SPPL3: variants seen among roughly 807,000 people sequenced by gnomAD.
The protein encoded by SPPL3 is signal peptide peptidase like 3.
A neutral mutation model predicts 42.4 loss-of-function variants in SPPL3; 5 were observed. The observed-to-expected ratio is 0.12, with a 90% CI of 0.06 to 0.25. The LOEUF (loss-of-function observed/expected upper bound fraction) is 0.25. Among genes scored for constraint, SPPL3 ranks in the 10% least tolerant of loss-of-function variants. The probability of loss-of-function intolerance (pLI) is 1.00; values close to 1 mark genes in which losing one functional copy is unlikely to be tolerated. For missense variants in SPPL3, 235 were observed against 489.0 expected, an observed-to-expected ratio of 0.48 and a Z score of 4.90; for synonymous variants, 195 against 181.8, an observed-to-expected ratio of 1.07 and a Z score of -0.58.
At chr12:120,802,353 ATGTG>A (rs1447019530) in intron 2 of SPPL3, among the ~76,000 whole-genome samples, 1 of 146,478 alleles carries the variant, frequency 6.8e-6, no homozygotes, top group Non-Finnish European at 1.5e-5. Context: ...GTATGTATGT[ATGTG>A]TGTATATATA....
chr12:120,899,563 G>A (rs1873910059), intron 1 of SPPL3, among the ~76,000 whole-genome samples: 1 of 152,070 alleles, frequency 6.6e-6, no homozygotes, highest in Admixed American at 6.6e-5. Context: ...ATGAGATAAG[G>A]AAGGAATTAT....
chr12:120,901,211 T>G (rs1286450244), intron 1 of SPPL3, among the ~76,000 whole-genome samples: 3 of 152,132 alleles, frequency 2.0e-5, no homozygotes, highest in Non-Finnish European at 4.4e-5. Flanking sequence ...CAGAAACTTG[T>G]GAGAATTAAA....
chr12:120,786,149 ATAGGACAATTCAATT>A (rs1166327801), intron 3 of SPPL3, among the ~76,000 whole-genome samples: 1 of 152,200 alleles, frequency 6.6e-6, no homozygotes, highest in East Asian at 1.9e-4. Flanking sequence ...TCACTTAGGA[ATAGGACAATTCAATT>A]TAGGAAAAGT....
chr12:120,783,006 G>A (rs1267587006), intron 5 of SPPL3, among the ~76,000 whole-genome samples: 1 of 152,172 alleles, frequency 6.6e-6, no homozygotes, highest in Admixed American at 6.5e-5. Context: ...GAAGTTTGAA[G>A]TGATAATATT....
intron 1 of SPPL3, among the ~76,000 whole-genome samples, chr12:120,899,125 C>T (rs1873895269): frequency 6.6e-6 from 1 of 152,170 alleles, no homozygotes; most frequent in African/African-American, 2.4e-5. Flanking sequence ...CTTTTACTTC[C>T]TCAGTGTATG....
At chr12:120,799,728 A>G (rs996538173) in intron 2 of SPPL3, among the ~76,000 whole-genome samples, 1 of 152,170 alleles carries the variant, frequency 6.6e-6, no homozygotes, top group African/African-American at 2.4e-5. Flanking sequence ...CCGCTGCACA[A>G]AACAGAAATG....
chr12:120,894,193 G>A (rs969147696), intron 1 of SPPL3, among the ~76,000 whole-genome samples: 7 of 152,112 alleles, frequency 4.6e-5, no homozygotes, highest in Non-Finnish European at 8.8e-5. Context: ...GCGTGGTGGC[G>A]CATGCCCGTT....
chr12:120,769,657 T>A (rs1165928008), intron 6 of SPPL3: 1 of 152,020 alleles, frequency 6.6e-6, no homozygotes, highest in Non-Finnish European at 1.5e-5. Context: ...TTCAAATGAT[T>A]CTCCTGCCTC....
chr12:120,858,293 T>A (rs1872522404), intron 1 of SPPL3, among the ~76,000 whole-genome samples: 1 of 152,022 alleles, frequency 6.6e-6, no homozygotes, highest in East Asian at 1.9e-4. Context: ...TGAAACCCTA[T>A]CTTTAAAAAT....
In SPPL3 at chr12:120,775,117, TATGTGGA is replaced by T. The variant is rs548664207; in HGVS notation, c.503-6065_503-6059del. The stretch of plus-strand genomic sequence containing the variant: ...ACAGGCTCTCTAGATATCTATGCCC[TATGTGGA>T]GTCAGCGCACCAAGAGTGTAGCATT... On this transcript the variant is annotated intron_variant, in intron 6 of 10. Coordinates refer to ENST00000353487, the MANE Select transcript of SPPL3 (RefSeq NM_139015.5). Among the ~76,000 whole-genome samples the T allele has an allele frequency of 3.4e-3, 514 of 152,234 alleles. 3 individuals are homozygous for T. The highest frequency in any genetic ancestry group is 0.012 in the African/African-American group (497 of 41,544).
intron 1 of SPPL3, among the ~76,000 whole-genome samples, chr12:120,879,468 T>C (rs1448837960): frequency 6.6e-6 from 1 of 152,116 alleles, no homozygotes; most frequent in Non-Finnish European, 1.5e-5. Flanking sequence ...CTGTTCCAGG[T>C]ATTGTTAACA....
At chr12:120,818,091 C>T (rs59475865) in intron 1 of SPPL3, among the ~76,000 whole-genome samples, 8 of 152,298 alleles carry the variant, frequency 5.3e-5, no homozygotes, top group Non-Finnish European at 8.8e-5. Context: ...AAAGCATCAA[C>T]AGAAATGTGT....
intron 1 of SPPL3, among the ~76,000 whole-genome samples, chr12:120,856,504 T>C (rs1279540042): frequency 1.3e-4 from 5 of 38,472 alleles, no homozygotes; most frequent in African/African-American, 3.4e-4. Flanking sequence ...AATTTTCATC[T>C]TTTTTTTTTT....
At chr12:120,785,934 G>T (rs190233386) in intron 3 of SPPL3, among the ~76,000 whole-genome samples, 1 of 137,248 alleles carries the variant, frequency 7.3e-6, no homozygotes, top group East Asian at 2.1e-4. Flanking sequence ...AAAAAAAAAG[G>T]AAAGGTCTCT....
Position 120,904,232 on chromosome 12 carries a change from C to T in SPPL3, c.-365G>A, listed in dbSNP as rs1177304574. On this transcript the variant is annotated 5_prime_UTR_variant, in exon 1 of 11. Coordinates refer to ENST00000353487, the MANE Select transcript of SPPL3 (RefSeq NM_139015.5). ...CCCGCGCTCACTGCGCGCGGGGCCG[C>T]GGGAGCGCCGCGCTCGGGCGGCGGC... 3.1e-5 allele frequency: 6 copies of T among 196,096 alleles called. No individual in the cohort carries two copies. Among genetic ancestry groups the T allele is most frequent in the African/African-American group, 1.2e-4 (5 of 40,958 alleles). The allele number at this position is 196,096 out of a possible 1,614,324, so 12.1% of individuals were successfully genotyped here. A position where few individuals can be genotyped will look rare whatever the true frequency, so the allele number is the denominator to read the frequency against.
At chr12:120,834,360 T>C (rs1871536170) in intron 1 of SPPL3, among the ~76,000 whole-genome samples, 1 of 152,126 alleles carries the variant, frequency 6.6e-6, no homozygotes, top group South Asian at 2.1e-4. Context: ...CCATGAAGTC[T>C]TTTTGGTTGT....
intron 2 of SPPL3, among the ~76,000 whole-genome samples, chr12:120,804,656 C>CAA (rs1310059084): frequency 6.6e-6 from 1 of 152,122 alleles, no homozygotes; most frequent in Non-Finnish European, 1.5e-5. Flanking sequence ...TGGGAATGTA[C>CAA]AATAGCATAG....
intron 1 of SPPL3, among the ~76,000 whole-genome samples, chr12:120,870,703 T>C (rs1872894004): frequency 6.6e-6 from 1 of 152,132 alleles, no homozygotes; most frequent in Non-Finnish European, 1.5e-5. Context: ...GGATGAACCC[T>C]GAAGACATGA....
rs373717363 is a variant in SPPL3, at chr12:120,874,768, A to AGT, written c.23+29075_23+29076dup. 6.5e-3 allele frequency among the ~76,000 whole-genome samples: 975 copies of AGT among 150,962 alleles called. 13 individuals are homozygous for AGT. Among genetic ancestry groups the AGT allele is most frequent in the African/African-American group, 0.02 (835 of 41,194 alleles). ...GGATAGGAGAGGATGTGTGAGTGTG[A>AGT]GTGTGTGTGTGTGTGCTGGTGGGGT... On this transcript the variant is annotated intron_variant, in intron 1 of 10. Transcript: ENST00000353487.
Sources: gnomAD v4.1 joint callset for allele counts (sites outside exome capture counted in the v4.1 genomes callset) on GRCh38, gnomAD v4.1.1 for gene constraint, MANE v1.5 for transcripts, NCBI Gene and HGNC (gene_info 2026-07-23, HGNC 2026-07-21) for gene names.